RASSF8: variants seen among roughly 807,000 people sequenced by gnomAD.
The protein encoded by RASSF8 is ras association domain-containing protein 8.
A neutral mutation model predicts 48.5 loss-of-function variants in RASSF8; 22 were observed. That is an observed-to-expected ratio of 0.45 (90% CI 0.32 to 0.65). The LOEUF is 0.65. RASSF8 is among the 30% of genes least tolerant of loss of function. The pLI is 0.03. For synonymous variants in RASSF8, 127 were observed against 171.5 expected (o/e 0.74, Z 2.03); for missense variants, 418 against 489.2 (o/e 0.85, Z 1.37).
At chr12:26,068,572 A>G (rs1404484378) in intron 5 of RASSF8, 125 bp from the exon 6 acceptor site, 4 of 727,598 alleles carry the variant, frequency 5.5e-6, no homozygotes, top group Non-Finnish European at 9.0e-6. Flanking sequence ...CAGGGCACAC[A>G]GGGGATTGCA....
Position 26,055,310 on chromosome 12 carries a change from CT to C in RASSF8, c.-33del. The C allele has an allele frequency of 6.4e-7, 1 of 1,554,226 alleles. No individual in the cohort carries two copies. The highest frequency in any genetic ancestry group is 1.4e-5 in the African/African-American group (1 of 73,782). ...ACATGACCTAACACCCTGATGACCA[CT>C]CTCAGGGACCTTGAGTGACTGGCCG... On this transcript the variant is annotated 5_prime_UTR_variant, in exon 3 of 6. An upstream open reading frame in the 5' UTR loses its in-frame stop. Coordinates refer to ENST00000689635, the MANE Select transcript of RASSF8 (RefSeq NM_001394098.1).
intron 2 of RASSF8, among the ~76,000 whole-genome samples, chr12:26,014,279 T>C (rs1197431503): frequency 1.3e-5 from 2 of 152,274 alleles, no homozygotes; most frequent in Admixed American, 1.3e-4. Flanking sequence ...TCATGGTATG[T>C]GTTCATGCTG....
At position 25,958,986 on chromosome 12, in the gene RASSF8, AGCCG is replaced by A. The variant is rs2136796289; in HGVS notation, c.-363_-360del. 1 of 146,538 alleles carries A rather than the reference AGCCG, an allele frequency of 6.8e-6. No homozygotes were observed. Among genetic ancestry groups the A allele is most frequent in the East Asian group, 2.0e-4 (1 of 4,976 alleles). 9.1% of individuals were successfully genotyped at this position (146,538 alleles called of 1,614,324 possible). A position where few individuals can be genotyped will look rare whatever the true frequency, so the allele number is the denominator to read the frequency against. On this transcript the variant is annotated 5_prime_UTR_variant, in exon 1 of 6. Transcript: ENST00000689635. ...GGAACGCCGGGGGGCCGGGGCCTCC[AGCCG>A]GTGCGGGGCGCGCGGCGCGGGGAGC...
At chr12:26,050,004 T>C (rs1218726473) in intron 2 of RASSF8, among the ~76,000 whole-genome samples, 2 of 152,122 alleles carry the variant, frequency 1.3e-5, no homozygotes, top group Non-Finnish European at 2.9e-5. Flanking sequence ...AGGATGGTCT[T>C]GATCTCCAGA....
Position 26,069,354 on chromosome 12 carries a change from C to A in RASSF8, c.*536C>A. 1.0e-6 allele frequency: 1 copy of A among 984,950 alleles called. No homozygotes were observed. The highest frequency in any genetic ancestry group is 1.2e-6 in the Non-Finnish European group (1 of 829,476). The allele number at this position is 984,950 out of a possible 1,614,324, so 61.0% of individuals were successfully genotyped here. ...GGGTGCTCCACCATCGAAGCTAACT[C>A]CACAGGAAGCCACTTGCATTTGTTT... On this transcript the variant is annotated 3_prime_UTR_variant, in exon 6 of 6. Coordinates refer to ENST00000689635, the MANE Select transcript of RASSF8 (RefSeq NM_001394098.1).
chr12:26,024,288 A>C (rs1335941078), intron 2 of RASSF8, among the ~76,000 whole-genome samples: 1 of 152,178 alleles, frequency 6.6e-6, no homozygotes, highest in African/African-American at 2.4e-5. Context: ...GATATGAGCC[A>C]CCACGCCCAG....
In RASSF8 at chr12:26,023,590, C is replaced by A. The variant is rs182233930; in HGVS notation, c.-109+28460C>A. ...TTTGTTGTTAACAGATCCATCTTAA[C>A]AAGAAATACTAAAGGAAGTTATTTG... is the stretch of plus-strand genomic sequence containing the variant. On this transcript the variant is annotated intron_variant, in intron 2 of 5. Transcript: ENST00000689635. Among the ~76,000 whole-genome samples, 19 of 151,164 alleles carry A rather than the reference C, an allele frequency of 1.3e-4. No homozygotes were observed. The South Asian group carries it at 1.5e-3, about 12-fold the overall frequency.
chr12:25,965,922 A>G (rs74958203), intron 1 of RASSF8, among the ~76,000 whole-genome samples: 202 of 152,282 alleles, frequency 1.3e-3, no homozygotes, highest in Non-Finnish European at 2.4e-3. Context: ...ACAGCAATTC[A>G]TTTATCTACC....
At chr12:26,061,631 T>A (rs1943745214) in intron 3 of RASSF8, among the ~76,000 whole-genome samples, 1 of 152,116 alleles carries the variant, frequency 6.6e-6, no homozygotes, top group African/African-American at 2.4e-5. Flanking sequence ...AAGGTTTAAC[T>A]GAATGTATCC....
At chr12:25,984,532 A>C (rs1202741981) in intron 1 of RASSF8, among the ~76,000 whole-genome samples, 5 of 152,108 alleles carry the variant, frequency 3.3e-5, no homozygotes, top group Non-Finnish European at 7.4e-5. Context: ...TAGTAGATAC[A>C]GGGTTTCACC....
At chr12:25,977,686 A>C (rs1307462068) in intron 1 of RASSF8, among the ~76,000 whole-genome samples, 2 of 151,766 alleles carry the variant, frequency 1.3e-5, no homozygotes. Flanking sequence ...AAAAAAAATA[A>C]GAATCTTGCT....
intron 2 of RASSF8, among the ~76,000 whole-genome samples, chr12:26,010,928 G>A (rs1592263476): frequency 6.6e-6 from 1 of 152,174 alleles, no homozygotes; most frequent in East Asian, 1.9e-4. Context: ...CTCCACCTAA[G>A]TACCCTTGTC....
chr12:25,979,022 G>T (rs1941675870), intron 1 of RASSF8, among the ~76,000 whole-genome samples: 1 of 152,142 alleles, frequency 6.6e-6, no homozygotes, highest in Non-Finnish European at 1.5e-5. Flanking sequence ...AAAAGATACG[G>T]TAGTATGTTC....
intron 1 of RASSF8, among the ~76,000 whole-genome samples, chr12:25,964,236 C>G (rs706523): frequency 6.6e-6 from 1 of 151,786 alleles, no homozygotes; most frequent in Admixed American, 6.6e-5. Flanking sequence ...ATATTTATTA[C>G]CCATTTATTT....
At chr12:25,991,062 A>G (rs1039178807) in intron 1 of RASSF8, among the ~76,000 whole-genome samples, 14 of 152,172 alleles carry the variant, frequency 9.2e-5, no homozygotes, top group Admixed American at 6.5e-5. Context: ...CAGTAATAGA[A>G]ATGTCAATAT....
At chr12:26,012,682 CT>C (rs775400464) in intron 2 of RASSF8, among the ~76,000 whole-genome samples, 247 of 131,720 alleles carry the variant, frequency 1.9e-3, no homozygotes, top group Non-Finnish European at 2.2e-3. Context: ...GGCCTTTTTT[CT>C]TTTTTTTTTT....
chr12:25,977,257 G>A (rs945024778), intron 1 of RASSF8, among the ~76,000 whole-genome samples: 6 of 152,116 alleles, frequency 3.9e-5, no homozygotes, highest in Non-Finnish European at 5.9e-5. Context: ...CGCCAGCCAC[G>A]TCGTTATGGC....
chr12:25,980,958 C>A (rs1941727796), intron 1 of RASSF8, among the ~76,000 whole-genome samples: 1 of 152,004 alleles, frequency 6.6e-6, no homozygotes, highest in Non-Finnish European at 1.5e-5. Context: ...TGGTTGTTGT[C>A]CAGTAGAAAA....
chr12:25,961,675 G>A (rs61914184), intron 1 of RASSF8, among the ~76,000 whole-genome samples: 10,972 of 152,150 alleles, frequency 0.072, 446 homozygotes, highest in Non-Finnish European at 0.09. Context: ...GGGATGCTAT[G>A]GTGAGTAGAA....
Sources: allele counts gnomAD v4.1 joint callset (sites outside exome capture counted in the v4.1 genomes callset), GRCh38; gene constraint gnomAD v4.1.1; transcripts MANE v1.5; gene names NCBI Gene and HGNC (gene_info 2026-07-23, HGNC 2026-07-21).